Variants in KCNMA1 observed in about 807,000 individuals in gnomAD.
The protein encoded by KCNMA1 is potassium calcium-activated channel subfamily M alpha 1, also known as Calcium-activated potassium channel subunit alpha-1.
In KCNMA1, 29 loss-of-function variants were observed where a neutral mutation model predicts 140.0. The ratio of observed to expected loss-of-function variants is 0.21; its 90% CI spans 0.15 to 0.28. KCNMA1 has a LOEUF of 0.28. Ranked by LOEUF, KCNMA1 falls within the 10% of genes least tolerant of loss-of-function variation. The probability of loss-of-function intolerance (pLI) is 1.00; values close to 1 mark genes in which losing one functional copy is unlikely to be tolerated. For missense variants in KCNMA1, 880 were observed against 1,602.2 expected, an observed-to-expected ratio of 0.55 and a Z score of 7.70; for synonymous variants, 612 against 611.9, an observed-to-expected ratio of 1.00 and a Z score of 0.00.
At chr10:77,486,047 T>C (rs963989103) in intron 1 of KCNMA1, among the ~76,000 whole-genome samples, 2 of 152,186 alleles carry the variant, frequency 1.3e-5, no homozygotes, top group Non-Finnish European at 2.9e-5. Context: ...GGCCATTCCC[T>C]GCTCACTAGG....
intron 3 of KCNMA1, among the ~76,000 whole-genome samples, chr10:77,191,529 G>A (rs2098938381): frequency 6.6e-6 from 1 of 152,040 alleles, no homozygotes; most frequent in Non-Finnish European, 1.5e-5. Flanking sequence ...TTCTTCTCAT[G>A]TTTACACTGG....
chr10:76,889,573 G>A lies in KCNMA1; in HGVS notation c.3343-4C>T. On this transcript the variant is annotated splice_polypyrimidine_tract_variant and splice_region_variant and intron_variant, in intron 26 of 27. Transcript: ENST00000286628. The stretch of plus-strand genomic sequence containing the variant: ...GATCACCATAACAACCACCATCCTG[G>A]GAGACAGCAAAAGAACAGAGAGAAA... The A allele has an allele frequency of 1.9e-6, 3 of 1,593,656 alleles. No homozygotes were observed. The East Asian group carries it at 6.7e-5, about 36-fold the overall frequency.
At chr10:76,941,073 G>GAAAGAAAGAA (rs2062034957) in intron 23 of KCNMA1, among the ~76,000 whole-genome samples, 1 of 118,118 alleles carries the variant, frequency 8.5e-6, no homozygotes, top group Non-Finnish European at 1.7e-5. Flanking sequence ...GAAAGAAAAA[G>GAAAGAAAGAA]AAAGAAAGAA....
chr10:77,127,021 C>T (rs1201449182), intron 5 of KCNMA1, among the ~76,000 whole-genome samples: 1 of 151,110 alleles, frequency 6.6e-6, no homozygotes, highest in Non-Finnish European at 1.5e-5. Context: ...TGTACACACG[C>T]CACAGAAAAG....
At chr10:77,090,027 G>A (rs74140282) in intron 10 of KCNMA1, among the ~76,000 whole-genome samples, 1,642 of 152,174 alleles carry the variant, frequency 0.011, 18 homozygotes, top group African/African-American at 0.037. Context: ...AACTCCTAAC[G>A]TATCCACACC....
intron 25 of KCNMA1, among the ~76,000 whole-genome samples, chr10:76,897,127 TAA>T (rs2042927154): frequency 6.6e-6 from 1 of 151,876 alleles, no homozygotes. Flanking sequence ...GTTTGTTTAA[TAA>T]GAGTGCTGGT....
intron 2 of KCNMA1, among the ~76,000 whole-genome samples, chr10:77,382,283 A>G (rs1310249975): frequency 6.6e-6 from 1 of 152,158 alleles, no homozygotes; most frequent in Non-Finnish European, 1.5e-5. Flanking sequence ...ATCCTTGTTC[A>G]ACTCCTGCTA....
chr10:77,558,928 G>A (rs1352298852), intron 1 of KCNMA1, among the ~76,000 whole-genome samples: 23 of 152,186 alleles, frequency 1.5e-4, no homozygotes, highest in South Asian at 2.1e-4. Flanking sequence ...AGTGGTCACC[G>A]ACTATACACC....
At chr10:77,270,765 C>T (rs1017087417) in intron 2 of KCNMA1, among the ~76,000 whole-genome samples, 1 of 151,840 alleles carries the variant, frequency 6.6e-6, no homozygotes, top group Non-Finnish European at 1.5e-5. Context: ...GCTGGGATTA[C>T]AGGCGTTGAG....
intron 5 of KCNMA1, among the ~76,000 whole-genome samples, chr10:77,154,123 T>G (rs925770914): frequency 2.6e-5 from 4 of 151,978 alleles, no homozygotes; most frequent in Non-Finnish European, 5.9e-5. Flanking sequence ...AAGCTGATGG[T>G]TTTATAAGCA....
At chr10:77,054,112 A>AG (rs1202335792) in intron 14 of KCNMA1, among the ~76,000 whole-genome samples, 1 of 152,184 alleles carries the variant, frequency 6.6e-6, no homozygotes, top group East Asian at 1.9e-4. Flanking sequence ...GGGAAATACT[A>AG]TCTGAGATCT....
At chr10:77,210,012 G>C (rs925369959) in intron 3 of KCNMA1, among the ~76,000 whole-genome samples, 1 of 151,414 alleles carries the variant, frequency 6.6e-6, no homozygotes, top group Non-Finnish European at 1.5e-5. Context: ...CAATCCTACT[G>C]CAACTATGCC....
intron 1 of KCNMA1, among the ~76,000 whole-genome samples, chr10:77,577,900 C>G (rs1201860618): frequency 6.6e-6 from 1 of 152,180 alleles, no homozygotes; most frequent in African/African-American, 2.4e-5. Context: ...AGTCCAGTGG[C>G]CAAATCCTCT....
In KCNMA1 at chr10:76,886,403, A is replaced by G. The variant is rs2036962393; in HGVS notation, c.*863T>C. ...CTTACATCTGATATTTATGATACATATGGCTTTTCATCCCAAATGTCAAAA... is the reference window on the plus strand; with the variant it reads ...CTTACATCTGATATTTATGATACATGTGGCTTTTCATCCCAAATGTCAAAA... On this transcript the variant is annotated 3_prime_UTR_variant, in exon 28 of 28. Coordinates refer to ENST00000286628, the MANE Select transcript of KCNMA1 (RefSeq NM_001161352.2). 1.0e-6 allele frequency: 1 copy of G among 985,040 alleles called. No homozygotes were observed. Among genetic ancestry groups the G allele is most frequent in the Admixed American group, 6.1e-5 (1 of 16,268 alleles). 61.0% of individuals were successfully genotyped at this position (985,040 alleles called of 1,614,324 possible). A position where few individuals can be genotyped will look rare whatever the true frequency, so the allele number is the denominator to read the frequency against.
intron 1 of KCNMA1, among the ~76,000 whole-genome samples, chr10:77,432,969 T>C (rs2097183675): frequency 6.6e-6 from 1 of 151,946 alleles, no homozygotes; most frequent in Admixed American, 6.6e-5. Flanking sequence ...GCCTTGAACC[T>C]CCCTGAAGGT....
chr10:76,880,651 G>A (rs577285214), downstream of KCNMA1, among the ~76,000 whole-genome samples: 99 of 152,354 alleles, frequency 6.5e-4, no homozygotes, highest in African/African-American at 2.2e-3. Context: ...AGTGCTGCAA[G>A]TAGGACAATG....
chr10:77,109,705 T>C (rs1029057550), intron 8 of KCNMA1, among the ~76,000 whole-genome samples: 2 of 152,118 alleles, frequency 1.3e-5, no homozygotes, highest in African/African-American at 4.8e-5. Context: ...GACCCTTCTC[T>C]TTAGGGCAGG....
At chr10:77,130,183 GT>G (rs981978811) in intron 5 of KCNMA1, among the ~76,000 whole-genome samples, 1 of 152,120 alleles carries the variant, frequency 6.6e-6, no homozygotes, top group African/African-American at 2.4e-5. Flanking sequence ...TGACTTTTCA[GT>G]GGTGCAAAAG....
At chr10:77,611,392 C>G (rs2086808873) in intron 1 of KCNMA1, among the ~76,000 whole-genome samples, 1 of 152,174 alleles carries the variant, frequency 6.6e-6, no homozygotes, top group Non-Finnish European at 1.5e-5. Context: ...GTAAGGAGAG[C>G]AGATTAGAGT....
Sources: gnomAD v4.1 joint callset for allele counts (sites outside exome capture counted in the v4.1 genomes callset) on GRCh38, gnomAD v4.1.1 for gene constraint, MANE v1.5 for transcripts, NCBI Gene and HGNC (gene_info 2026-07-23, HGNC 2026-07-21) for gene names.